The following GDAP1 variants were observed in gnomAD, a reference collection of about 807,000 sequenced individuals.
The protein encoded by GDAP1 is ganglioside-induced differentiation-associated protein 1.
Under a neutral mutation model 40.1 loss-of-function variants are expected in GDAP1, and 34 were observed. That is an observed-to-expected ratio of 0.85 (90% CI 0.64 to 1.13). The LOEUF (loss-of-function observed/expected upper bound fraction) is 1.13, where lower values mean the gene tolerates loss of function less well. GDAP1 is among the 50% of genes most tolerant of loss of function. The pLI is 0.00. For synonymous variants in GDAP1, 170 were observed against 157.4 expected (o/e 1.08, Z -0.60); for missense variants, 374 against 433.7 (o/e 0.86, Z 1.22).
chr8:74,356,139 A>T (rs1809082269), intron 2 of GDAP1, among the ~76,000 whole-genome samples: 1 of 152,216 alleles, frequency 6.6e-6, no homozygotes, highest in Non-Finnish European at 1.5e-5. Context: ...GAAATTGCAG[A>T]TTAGCACAAA....
chr8:74,406,163 T>C (rs1036947221), intron 2 of GDAP1, among the ~76,000 whole-genome samples: 2 of 150,246 alleles, frequency 1.3e-5, no homozygotes, highest in East Asian at 3.8e-4. Context: ...TTAGTTTAAA[T>C]CCTGTTTTTA....
intron 2 of GDAP1, among the ~76,000 whole-genome samples, chr8:74,381,522 G>A (rs1809953099): frequency 1.3e-5 from 2 of 152,038 alleles, no homozygotes; most frequent in Non-Finnish European, 2.9e-5. Context: ...TTGAGAGGCC[G>A]ACGTGGGCAC....
At chr8:74,390,725 G>A (rs774749023) in intron 2 of GDAP1, among the ~76,000 whole-genome samples, 59 of 152,190 alleles carry the variant, frequency 3.9e-4, no homozygotes, top group Non-Finnish European at 6.8e-4. Flanking sequence ...TAGGAGATCC[G>A]CTGCTCTCTT....
In GDAP1 at chr8:74,362,052, A is replaced by G. The variant is rs938416998; in HGVS notation, c.579+74A>G. 1.4e-5 allele frequency: 11 copies of G among 808,054 alleles called. No individual in the cohort carries two copies. In the African/African-American group the frequency reaches 1.7e-4, roughly 12 times the overall value. 50.1% of individuals were successfully genotyped at this position (808,054 alleles called of 1,614,324 possible). On this transcript the variant is annotated intron_variant, in intron 4 of 5. Coordinates refer to ENST00000220822, the MANE Select transcript of GDAP1 (RefSeq NM_018972.4). ...GTTCTACTTTTTGTAAAGTACCACT[A>G]TTTCTAGAATATCTTCTTTTAAATA...
intron 2 of GDAP1, among the ~76,000 whole-genome samples, chr8:74,413,320 A>T (rs1364055716): frequency 2.7e-5 from 4 of 149,702 alleles, no homozygotes; most frequent in Admixed American, 2.6e-4. Flanking sequence ...AACTGGAAAT[A>T]CCACTGAAGT....
At chr8:74,413,558 C>T (rs1190017080) in intron 2 of GDAP1, among the ~76,000 whole-genome samples, 1 of 149,614 alleles carries the variant, frequency 6.7e-6, no homozygotes, top group Non-Finnish European at 1.5e-5. Context: ...ACCCATTTCC[C>T]CCACTCTGTT....
intron 2 of GDAP1, among the ~76,000 whole-genome samples, chr8:74,477,411 A>G (rs1432712824): frequency 6.6e-6 from 1 of 150,490 alleles, no homozygotes; most frequent in Non-Finnish European, 1.5e-5. Flanking sequence ...GTTCTTTCTC[A>G]TCTTTGTGGG....
At chr8:74,362,856 G>T in intron 4 of GDAP1, 83 bp from the exon 5 acceptor site, 1 of 558,124 alleles carries the variant, frequency 1.8e-6, no homozygotes, top group Non-Finnish European at 3.4e-6. Context: ...AACTCTGTAA[G>T]AGTTTGTATC....
intron 2 of GDAP1, among the ~76,000 whole-genome samples, chr8:74,402,004 C>G (rs1019376585): frequency 1.3e-5 from 2 of 150,264 alleles, no homozygotes; most frequent in Non-Finnish European, 2.9e-5. Flanking sequence ...GGTCAGGGGT[C>G]AGGGACCCAC....
chr8:74,406,197 A>G (rs1805638804), intron 2 of GDAP1, among the ~76,000 whole-genome samples: 1 of 150,278 alleles, frequency 6.7e-6, no homozygotes, highest in African/African-American at 2.5e-5. Flanking sequence ...TGTAATTCTT[A>G]GATGCTGAAA....
intron 2 of GDAP1, among the ~76,000 whole-genome samples, chr8:74,358,790 G>A (rs1563441578): frequency 6.6e-6 from 1 of 152,196 alleles, no homozygotes; most frequent in Admixed American, 6.5e-5. Flanking sequence ...GAATTCAGGA[G>A]ATTTGAGATC....
intron 2 of GDAP1, among the ~76,000 whole-genome samples, chr8:74,480,712 C>G (rs1406899451): frequency 6.6e-6 from 1 of 152,170 alleles, no homozygotes; most frequent in Non-Finnish European, 1.5e-5. Context: ...CTTTTAATGT[C>G]AAGTATGAAA....
At chr8:74,467,045 G>A (rs1806478852) in intron 2 of GDAP1, among the ~76,000 whole-genome samples, 2 of 152,214 alleles carry the variant, frequency 1.3e-5, no homozygotes, top group Admixed American at 1.3e-4. Flanking sequence ...AGGGAAAAGA[G>A]TAGAGGATAT....
Position 74,400,019 on chromosome 8 carries a change from A to G in GDAP1, c.165+48698A>G, listed in dbSNP as rs566255873. Among the ~76,000 whole-genome samples, 611 of 145,312 alleles carry G rather than the reference A, an allele frequency of 4.2e-3. 5 individuals carry two copies. Among genetic ancestry groups the G allele is most frequent in the Non-Finnish European group, 6.9e-3 (470 of 67,638 alleles). ...TGTGGTGTGGTGCTGAAAAAAATGT[A>G]TATTCTGTTGATTTGGGGTGGAGAG... On this transcript the variant is annotated intron_variant, in intron 2 of 2. Coordinates refer to the GDAP1 transcript ENST00000523640.
chr8:74,385,019 A>G (rs1225878164), intron 2 of GDAP1, among the ~76,000 whole-genome samples: 1 of 152,146 alleles, frequency 6.6e-6, no homozygotes, highest in African/African-American at 2.4e-5. Flanking sequence ...GCTAAACACT[A>G]ATCTATTAAC....
intron 2 of GDAP1, among the ~76,000 whole-genome samples, chr8:74,376,364 T>A (rs913696475): frequency 6.6e-6 from 1 of 151,024 alleles, no homozygotes; most frequent in Non-Finnish European, 1.5e-5. Flanking sequence ...TTTTTTTTTT[T>A]TTGAGATGGA....
rs192931464 is a variant in GDAP1, at chr8:74,373,024, A to G, written c.165+21703A>G. 7.2e-5 allele frequency among the ~76,000 whole-genome samples: 11 copies of G among 151,886 alleles called. No individual in the cohort carries two copies. The East Asian group carries it at 2.1e-3, about 29-fold the overall frequency. ...CCCAGCACCATTTGTTAAATAGGGA[A>G]TCATTTCTTGTTTTTGTCAGGTTTG... On this transcript the variant is annotated intron_variant, in intron 2 of 2. Transcript: ENST00000523640.
intron 2 of GDAP1, among the ~76,000 whole-genome samples, chr8:74,446,297 A>AT (rs1487998040): frequency 6.6e-6 from 1 of 152,154 alleles, no homozygotes; most frequent in Non-Finnish European, 1.5e-5. Flanking sequence ...GTGGAGACAT[A>AT]ATAAAGCAAC....
intron 2 of GDAP1, among the ~76,000 whole-genome samples, chr8:74,355,831 T>C (rs1809067705): frequency 6.6e-6 from 1 of 152,186 alleles, no homozygotes; most frequent in South Asian, 2.1e-4. Flanking sequence ...TCTAGATATA[T>C]AATTTATTCT....
Sources: gnomAD v4.1 joint callset for allele counts (sites outside exome capture counted in the v4.1 genomes callset) on GRCh38, gnomAD v4.1.1 for gene constraint, MANE v1.5 for transcripts, NCBI Gene and HGNC (gene_info 2026-07-23, HGNC 2026-07-21) for gene names.